The following NEO1 variants were observed in gnomAD, a reference collection of about 807,000 sequenced individuals.
NEO1 encodes neogenin 1, also known as neogenin.
In NEO1, 63 loss-of-function variants were observed where a neutral mutation model predicts 159.7. The ratio of observed to expected loss-of-function variants is 0.39; its 90% confidence interval spans 0.32 to 0.49. NEO1 has a LOEUF of 0.49. NEO1 is among the 20% of genes least tolerant of loss of function. The probability of loss-of-function intolerance (pLI) is 0.85; values close to 1 mark genes in which losing one functional copy is unlikely to be tolerated. For missense variants in NEO1, 1,615 were observed against 1,831.0 expected, an observed-to-expected ratio of 0.88 and a Z score of 2.15; for synonymous variants, 633 against 662.0, an observed-to-expected ratio of 0.96 and a Z score of 0.67.
chr15:73,239,048 C>T (rs1396253632), intron 8 of NEO1, among the ~76,000 whole-genome samples: 1 of 151,932 alleles, frequency 6.6e-6, no homozygotes, highest in Non-Finnish European at 1.5e-5. Context: ...GGGGTTTCAC[C>T]GTGTTAGCCA....
chr15:73,064,588 C>T (rs780162690), intron 1 of NEO1, among the ~76,000 whole-genome samples: 3 of 152,092 alleles, frequency 2.0e-5, no homozygotes, highest in Non-Finnish European at 4.4e-5. Context: ...CCTCAGCCTC[C>T]CAAGTAGCTG....
chr15:73,288,673 A>G, intron 24 of NEO1, 122 bp downstream of exon 24: 1 of 780,434 alleles, frequency 1.3e-6, no homozygotes, highest in Non-Finnish European at 2.1e-6. Context: ...ATTTAGAGAA[A>G]TGTGTATGAT....
At chr15:73,301,672 T>TA in intron 28 of NEO1, 1 of 573,908 alleles carries the variant, frequency 1.7e-6, no homozygotes, top group Non-Finnish European at 3.0e-6. Context: ...CCATATCCAC[T>TA]CTTTTTTTTT....
intron 1 of NEO1, among the ~76,000 whole-genome samples, chr15:73,090,694 T>C (rs2069637914): frequency 6.6e-6 from 1 of 152,238 alleles, no homozygotes; most frequent in African/African-American, 2.4e-5. Flanking sequence ...AGAATACTAA[T>C]GGAAAATTTA....
At chr15:73,286,669 G>A (rs547442698) in intron 23 of NEO1, among the ~76,000 whole-genome samples, 1 of 152,202 alleles carries the variant, frequency 6.6e-6, no homozygotes, top group African/African-American at 2.4e-5. Flanking sequence ...GTCCAGAGCA[G>A]AATTCATCAT....
At chr15:73,121,571 A>G (rs2071652191) in intron 2 of NEO1, among the ~76,000 whole-genome samples, 1 of 152,190 alleles carries the variant, frequency 6.6e-6, no homozygotes, top group Admixed American at 6.5e-5. Context: ...CTCTGTAAAT[A>G]TACTGTTCCT....
intron 7 of NEO1, among the ~76,000 whole-genome samples, chr15:73,193,553 ACTG>A (rs2036356406): frequency 6.7e-6 from 1 of 150,056 alleles, no homozygotes; most frequent in Admixed American, 6.7e-5. Context: ...GTTATTACTT[ACTG>A]ACAAGGTTGG....
At chr15:73,125,086 T>A (rs1445050883) in intron 3 of NEO1, among the ~76,000 whole-genome samples, 2 of 152,212 alleles carry the variant, frequency 1.3e-5, no homozygotes, top group Non-Finnish European at 2.9e-5. Context: ...GAAAACAAGA[T>A]TTGTAGTGTC....
chr15:73,115,586 C>T (rs2071263711), intron 1 of NEO1, among the ~76,000 whole-genome samples: 1 of 148,136 alleles, frequency 6.8e-6, no homozygotes, highest in Non-Finnish European at 1.5e-5. Flanking sequence ...ATTCGAAAAA[C>T]AGTCTTAGTT....
intron 1 of NEO1, among the ~76,000 whole-genome samples, chr15:73,105,797 C>T (rs1367648867): frequency 6.6e-6 from 1 of 152,168 alleles, no homozygotes; most frequent in Non-Finnish European, 1.5e-5. Flanking sequence ...ATACTACATG[C>T]TGCTTATTGC....
At chr15:73,065,427 T>G (rs1358343867) in intron 1 of NEO1, among the ~76,000 whole-genome samples, 2 of 152,168 alleles carry the variant, frequency 1.3e-5, no homozygotes, top group Non-Finnish European at 2.9e-5. Context: ...TCTGAAAACA[T>G]TTGTATTTCA....
chr15:73,260,176 C>A, intron 14 of NEO1, 95 bp from the exon 15 acceptor site: 1 of 1,134,720 alleles, frequency 8.8e-7, no homozygotes, highest in Non-Finnish European at 1.3e-6. Context: ...TAGCCCCAAA[C>A]AGTGTGGTAG....
chr15:73,075,170 T>C (rs1390375794), intron 1 of NEO1, among the ~76,000 whole-genome samples: 1 of 152,204 alleles, frequency 6.6e-6, no homozygotes, highest in Non-Finnish European at 1.5e-5. Context: ...GAATATGATA[T>C]ACAATTCCAG....
At chr15:73,212,607 G>T (rs2037643463) in intron 7 of NEO1, among the ~76,000 whole-genome samples, 1 of 152,022 alleles carries the variant, frequency 6.6e-6, no homozygotes, top group Non-Finnish European at 1.5e-5. Flanking sequence ...CATTTCTCAG[G>T]CATTCAAATA....
chr15:73,219,901 T>C (rs2038134864), intron 7 of NEO1, among the ~76,000 whole-genome samples: 1 of 151,736 alleles, frequency 6.6e-6, no homozygotes, highest in Non-Finnish European at 1.5e-5. Flanking sequence ...TGTCTTGTAA[T>C]TGGAGCATTT....
intron 16 of NEO1, among the ~76,000 whole-genome samples, chr15:73,267,401 T>A (rs943026855): frequency 6.6e-6 from 1 of 152,218 alleles, no homozygotes; most frequent in Non-Finnish European, 1.5e-5. Flanking sequence ...TTCTTTTTTT[T>A]ATTATACTTT....
chr15:73,136,111 G>A, intron 5 of NEO1, 84 bp downstream of exon 5: 2 of 1,211,946 alleles, frequency 1.7e-6, no homozygotes, highest in Non-Finnish European at 2.2e-6. Flanking sequence ...ACATGGGCGA[G>A]GCAATACAGC....
intron 1 of NEO1, among the ~76,000 whole-genome samples, chr15:73,101,033 G>C (rs1157304100): frequency 6.6e-6 from 1 of 152,040 alleles, no homozygotes; most frequent in Non-Finnish European, 1.5e-5. Flanking sequence ...TTACAAGAGG[G>C]GCAGCATTCC....
chr15:73,305,092 A>G lies in NEO1; in HGVS notation c.*2396A>G, dbSNP rs2042739118. The G allele has an allele frequency of 6.6e-6, 1 of 152,016 alleles. No individual in the cohort carries two copies. The highest frequency in any genetic ancestry group is 1.5e-5 in the Non-Finnish European group (1 of 68,016). 9.4% of individuals were successfully genotyped at this position (152,016 alleles called of 1,614,324 possible). Reference sequence around the variant, plus strand: ...GGGCTGCTGGGACTGGCGTCTGTACACACTTGTTTGGCCTTTTCTGTAGTT... The same window carrying G: ...GGGCTGCTGGGACTGGCGTCTGTACGCACTTGTTTGGCCTTTTCTGTAGTT... On this transcript the variant is annotated 3_prime_UTR_variant, in exon 29 of 29. Coordinates refer to ENST00000261908, the MANE Select transcript of NEO1 (RefSeq NM_002499.4).
Sources: allele counts gnomAD v4.1 joint callset (sites outside exome capture counted in the v4.1 genomes callset), GRCh38; gene constraint gnomAD v4.1.1; transcripts MANE v1.5; gene names NCBI Gene and HGNC (gene_info 2026-07-23, HGNC 2026-07-21).